The following PHLDA3 variants were observed in gnomAD, a reference collection of about 807,000 sequenced individuals.
PHLDA3 encodes pleckstrin homology like domain family A member 3, also known as pleckstrin homology-like domain family A member 3.
A neutral mutation model predicts 7.6 loss-of-function variants in PHLDA3; 12 were observed. The observed-to-expected ratio is 1.58, with a 90% CI of 1.01 to 2.55. The LOEUF (loss-of-function observed/expected upper bound fraction) is 2.55, where lower values mean the gene tolerates loss of function less well. Among genes scored for constraint, PHLDA3 ranks in the 30% most tolerant of loss-of-function variants. PHLDA3 has a pLI of 0.00. For missense variants in PHLDA3, 177 were observed against 175.6 expected (o/e 1.01, Z -0.05); for synonymous variants, 104 against 85.1 (o/e 1.22, Z -1.23).
intron 1 of PHLDA3, 33 bp downstream of exon 1, chr1:201,468,308 G>T: frequency 7.5e-7 from 1 of 1,326,220 alleles, no homozygotes; most frequent in Non-Finnish European, 1.1e-6. Context: ...GGGAGGGAAG[G>T]AGAGAAGAGG....
At position 201,464,513 on chromosome 1, in the gene PHLDA3, AG is replaced by A. The variant is rs1363566429; in HGVS notation, c.*1727del. ...ACTCTGAGGGACTGGGGCACAGGAC[AG>A]GGAAGTTTTTATTGGAAGGCGAGAG... On this transcript the variant is annotated 3_prime_UTR_variant, in exon 2 of 2. Transcript: ENST00000367311. 2.6e-5 allele frequency: 4 copies of A among 152,294 alleles called. No homozygotes were observed. Among genetic ancestry groups the A allele is most frequent in the African/African-American group, 7.2e-5 (3 of 41,472 alleles). 9.4% of individuals were successfully genotyped at this position (152,294 alleles called of 1,614,324 possible). A position where few individuals can be genotyped will look rare whatever the true frequency, so the allele number is the denominator to read the frequency against.
rs1332468816 is a variant in PHLDA3 at position 201,465,240 on chromosome 1, T to C, written c.*1001A>G. 6.6e-6 allele frequency: 1 copy of C among 152,198 alleles called. No homozygotes were observed. Among genetic ancestry groups the C allele is most frequent in the Non-Finnish European group, 1.5e-5 (1 of 68,064 alleles). The allele number at this position is 152,198 out of a possible 1,614,324, so 9.4% of individuals were successfully genotyped here. ...CAGAAAGCTGAGGCTTCTCCCAGGG[T>C]AGCAGGGGCAGGGTAGCCTCCTGTA... On this transcript the variant is annotated 3_prime_UTR_variant, in exon 2 of 2. Coordinates refer to ENST00000367311, the MANE Select transcript of PHLDA3 (RefSeq NM_012396.5).
rs1165874114 is a variant in PHLDA3, at chr1:201,465,186, G to A, written c.*1055C>T. Reference sequence around the variant, plus strand: ...CTGTGTAAATGTATAAAGCCTGAGAGTATAAATGACAGGGAGACAAACTCT... The same window carrying A: ...CTGTGTAAATGTATAAAGCCTGAGAATATAAATGACAGGGAGACAAACTCT... On this transcript the variant is annotated 3_prime_UTR_variant, in exon 2 of 2. Transcript: ENST00000367311. 1.3e-5 allele frequency: 2 copies of A among 152,240 alleles called. No individual in the cohort carries two copies. Among genetic ancestry groups the A allele is most frequent in the Admixed American group, 1.3e-4 (2 of 15,274 alleles). 9.4% of individuals were successfully genotyped at this position (152,240 alleles called of 1,614,324 possible).
chr1:201,468,587 G>A lies in PHLDA3; in HGVS notation c.200C>T (p.Thr67Ile), dbSNP rs777146617. The change falls in exon 1 of 2, where the codon ACC becomes ATC. Residue 67 changes from threonine to isoleucine, a missense_variant. By Grantham distance (89) the Thr-to-Ile change is moderately conservative. Transcript: ENST00000367311. ...RIKAVECVES[T>I]GRHIYFTLVT... Reference sequence around the variant, plus strand: ...CAGCGTGAAGTAGATGTGGCGCCCGGTGCTCTCCACGCACTCCACGGCCTT... The same window carrying A: ...CAGCGTGAAGTAGATGTGGCGCCCGATGCTCTCCACGCACTCCACGGCCTT... 1.2e-6 allele frequency: 2 copies of A among 1,613,920 alleles called. No homozygotes were observed. Among genetic ancestry groups the A allele is most frequent in the East Asian group, 4.5e-5 (2 of 44,878 alleles).
intron 1 of PHLDA3, among the ~76,000 whole-genome samples, chr1:201,466,924 C>T (rs1408710955): frequency 6.6e-6 from 1 of 152,160 alleles, no homozygotes. Flanking sequence ...AGGCCCCCAC[C>T]CCTTGGCATC....
At chr1:201,466,722 C>G (rs1466580234) in intron 1 of PHLDA3, 1 of 152,236 alleles carries the variant, frequency 6.6e-6, no homozygotes, top group Non-Finnish European at 1.5e-5. Context: ...CTCCCCTGGG[C>G]CTTCCTGACC....
chr1:201,467,639 TACACACACACACACACACACACAC>T (rs56225084), intron 1 of PHLDA3: 1,754 of 140,014 alleles, frequency 0.013, 13 homozygotes, highest in Non-Finnish European at 0.019. Context: ...CAACAAACCA[TACACACACACACACACACACACAC>T]ACACACACAC....
chr1:201,468,581 C>T lies in PHLDA3; in HGVS notation c.206G>A (p.Arg69His). The T allele has an allele frequency of 1.2e-6, 2 of 1,613,986 alleles. No individual in the cohort carries two copies. Among genetic ancestry groups the T allele is most frequent in the Admixed American group, 1.7e-5 (1 of 60,030 alleles). ...GGTCACCAGCGTGAAGTAGATGTGG[C>T]GCCCGGTGCTCTCCACGCACTCCAC... ...KAVECVESTGRHIYFTLVTEG... is the reference protein window; with the variant it reads ...KAVECVESTGHHIYFTLVTEG... The change falls in exon 1 of 2, where the codon CGC becomes CAC. Residue 69 changes from arginine (R) to histidine (H), a missense_variant. Arg to His is a conservative substitution (Grantham distance 29, BLOSUM62 0). Transcript: ENST00000367311.
At position 201,465,032 on chromosome 1, in the gene PHLDA3, A is replaced by T. The variant is rs594844; in HGVS notation, c.*1209T>A. On this transcript the variant is annotated 3_prime_UTR_variant, in exon 2 of 2. Coordinates refer to ENST00000367311, the MANE Select transcript of PHLDA3 (RefSeq NM_012396.5). The stretch of plus-strand genomic sequence containing the variant: ...TCACCAAGTTGGCCAGGCTGGTCTC[A>T]AATTCCTGACCTCAGGTGATCCACC... 64,353 of 152,016 alleles carry T rather than the reference A, an allele frequency of 0.42. 14,910 individuals are homozygous for T. Among genetic ancestry groups the T allele is most frequent in the Non-Finnish European group, 0.53 (36,242 of 67,998 alleles). The allele number at this position is 152,016 out of a possible 1,614,324, so 9.4% of individuals were successfully genotyped here. A position where few individuals can be genotyped will look rare whatever the true frequency, so the allele number is the denominator to read the frequency against.
rs1166015651 is a variant in PHLDA3 at position 201,464,378 on chromosome 1, T to C, written c.*1863A>G. 6.6e-6 allele frequency: 1 copy of C among 150,772 alleles called. No homozygotes were observed. The highest frequency in any genetic ancestry group is 1.5e-5 in the Non-Finnish European group (1 of 67,944). The allele number at this position is 150,772 out of a possible 1,614,324, so 9.3% of individuals were successfully genotyped here. ...AAGCCACCCATGGACAATTGTACAA[T>C]TGGATACAGTAAGTGACATATTTAT... On this transcript the variant is annotated 3_prime_UTR_variant, in exon 2 of 2. Transcript: ENST00000367311.
At chr1:201,468,226 G>A (rs1021466099) in intron 1 of PHLDA3, 115 bp downstream of exon 1, 14 of 788,356 alleles carry the variant, frequency 1.8e-5, no homozygotes, top group East Asian at 2.9e-5. Flanking sequence ...TTGGCCCCAG[G>A]AACCTCCCCC....
Position 201,468,845 on chromosome 1 carries a change from C to T in PHLDA3, c.-59G>A, listed in dbSNP as rs1270960737. ...GCGGCGGGCGCGGCGCCCCTCTCGG[C>T]CCCGCAGCGCAGGATTCTGGCGCCC... is the stretch of plus-strand genomic sequence containing the variant. On this transcript the variant is annotated 5_prime_UTR_variant, in exon 1 of 2. Coordinates refer to ENST00000367311, the MANE Select transcript of PHLDA3 (RefSeq NM_012396.5). 2.1e-6 allele frequency: 3 copies of T among 1,440,754 alleles called. No homozygotes were observed. The highest frequency in any genetic ancestry group is 2.7e-6 in the Non-Finnish European group (3 of 1,110,462). 89.2% of individuals were successfully genotyped at this position (1,440,754 alleles called of 1,614,324 possible).
At chr1:201,467,555 G>A (rs1228029052) in intron 1 of PHLDA3, 2 of 152,242 alleles carry the variant, frequency 1.3e-5, no homozygotes, top group African/African-American at 2.4e-5. Context: ...AGGTTGCAAT[G>A]AGCCAAGATC....
At chr1:201,468,246 C>G in intron 1 of PHLDA3, 95 bp downstream of exon 1, 1 of 918,816 alleles carries the variant, frequency 1.1e-6, no homozygotes, top group South Asian at 1.8e-5. Context: ...CCTAAGATGT[C>G]CGGCTCTGAA....
At position 201,468,924 on chromosome 1, in the gene PHLDA3, C is replaced by T. The variant is rs550260286; in HGVS notation, c.-138G>A. 1.3e-3 allele frequency: 1,278 copies of T among 981,490 alleles called. 20 individuals carry two copies. The African/African-American group carries it at 0.019, about 14-fold the overall frequency. 60.8% of individuals were successfully genotyped at this position (981,490 alleles called of 1,614,324 possible). A position where few individuals can be genotyped will look rare whatever the true frequency, so the allele number is the denominator to read the frequency against. Reference sequence around the variant, plus strand: ...CCTGCGCCCTGACTGCTCCGCGCACCCACACCGCGGCCCTCAGCACCCGGC... The same window carrying T: ...CCTGCGCCCTGACTGCTCCGCGCACTCACACCGCGGCCCTCAGCACCCGGC... On this transcript the variant is annotated 5_prime_UTR_variant, in exon 1 of 2. Coordinates refer to ENST00000367311, the MANE Select transcript of PHLDA3 (RefSeq NM_012396.5).
In PHLDA3 at chr1:201,468,590, C is replaced by G; in HGVS notation, c.197G>C (p.Ser66Thr). ...ARIKAVECVE[S>T]TGRHIYFTLV... ...CGTGAAGTAGATGTGGCGCCCGGTG[C>G]TCTCCACGCACTCCACGGCCTTGAT... The change falls in exon 1 of 2, where the codon AGC (serine) becomes ACC (threonine). Residue 66 changes from serine to threonine, a missense_variant. Transcript: ENST00000367311. The G allele has an allele frequency of 6.2e-7, 1 of 1,613,932 alleles. No individual in the cohort carries two copies. Among genetic ancestry groups the G allele is most frequent in the Non-Finnish European group, 8.5e-7 (1 of 1,180,028 alleles).
At position 201,469,023 on chromosome 1, in the gene PHLDA3, C is replaced by G; in HGVS notation, c.-237G>C. The G allele has an allele frequency of 2.4e-6, 1 of 418,596 alleles. No individual in the cohort carries two copies. Among genetic ancestry groups the G allele is most frequent in the Non-Finnish European group, 4.1e-6 (1 of 245,468 alleles). The allele number at this position is 418,596 out of a possible 1,614,324, so 25.9% of individuals were successfully genotyped here. A position where few individuals can be genotyped will look rare whatever the true frequency, so the allele number is the denominator to read the frequency against. ...CCCGCTTCAGCCGGCACCCGCTCCT[C>G]CGCTCTACCCCAGCTGGCCCAGCCC... On this transcript the variant is annotated 5_prime_UTR_variant, in exon 1 of 2. Coordinates refer to ENST00000367311, the MANE Select transcript of PHLDA3 (RefSeq NM_012396.5).
chr1:201,465,961 G>T lies in PHLDA3; in HGVS notation c.*280C>A. ...GCCAGCTCCCCCTCATGCCATATGA[G>T]GCCAGGCCTGTGGCTCGAAGCCCCT... On this transcript the variant is annotated 3_prime_UTR_variant, in exon 2 of 2. Transcript: ENST00000367311. 1.3e-5 allele frequency: 2 copies of T among 155,138 alleles called. No homozygotes were observed. Among genetic ancestry groups the T allele is most frequent in the Middle Eastern group, 1.0e-3 (2 of 1,928 alleles). The allele number at this position is 155,138 out of a possible 1,614,324, so 9.6% of individuals were successfully genotyped here.
Position 201,468,793 on chromosome 1 carries a change from C to T in PHLDA3, c.-7G>A, listed in dbSNP as rs1334967426. The T allele has an allele frequency of 2.0e-6, 3 of 1,538,376 alleles. No homozygotes were observed. Among genetic ancestry groups the T allele is most frequent in the Admixed American group, 3.9e-5 (2 of 51,024 alleles). The stretch of plus-strand genomic sequence containing the variant: ...CCGTCGCCGCCGCCGTCATGGGCGC[C>T]CCGAGGTTCGCGGAAAGCTCCAGGC... On this transcript the variant is annotated 5_prime_UTR_variant, in exon 1 of 2. Transcript: ENST00000367311.
Sources: gnomAD v4.1 joint callset for allele counts (sites outside exome capture counted in the v4.1 genomes callset) on GRCh38, gnomAD v4.1.1 for gene constraint, MANE v1.5 for transcripts, NCBI Gene and HGNC (gene_info 2026-07-23, HGNC 2026-07-21) for gene names.